The following ATP6V0D2 variants were observed in gnomAD, a reference collection of about 807,000 sequenced individuals.
ATP6V0D2 encodes V-type proton ATPase subunit d 2.
ATP6V0D2 carries 40 observed loss-of-function variants against 40.0 expected under a neutral mutation model. That is an observed-to-expected ratio of 1.00 (90% CI 0.78 to 1.30). The LOEUF is 1.30. ATP6V0D2 is among the 50% of genes most tolerant of loss of function. The pLI is 0.00. For synonymous variants in ATP6V0D2, 179 were observed against 156.3 expected, an observed-to-expected ratio of 1.15 and a Z score of -1.08; for missense variants, 470 against 423.1, an observed-to-expected ratio of 1.11 and a Z score of -0.97.
intron 2 of ATP6V0D2, among the ~76,000 whole-genome samples, chr8:86,138,652 G>A (rs569715431): frequency 5.3e-5 from 8 of 152,338 alleles, no homozygotes; most frequent in South Asian, 2.1e-4. Flanking sequence ...GATCTCATGC[G>A]AGGACAGAAT....
chr8:86,116,357 T>G (rs1818591496), intron 2 of ATP6V0D2, among the ~76,000 whole-genome samples: 1 of 152,212 alleles, frequency 6.6e-6, no homozygotes, highest in Non-Finnish European at 1.5e-5. Context: ...CTTAGAAATA[T>G]GCTTGTGACT....
chr8:86,118,427 C>T (rs1415969744), intron 2 of ATP6V0D2, among the ~76,000 whole-genome samples: 5 of 151,838 alleles, frequency 3.3e-5, no homozygotes, highest in Non-Finnish European at 7.4e-5. Context: ...TTGGTATCTG[C>T]AAGGCCCTTC....
chr8:86,102,981 G>A (rs1378660916), intron 1 of ATP6V0D2, among the ~76,000 whole-genome samples: 3 of 152,036 alleles, frequency 2.0e-5, no homozygotes, highest in Non-Finnish European at 2.9e-5. Flanking sequence ...TAAGACTTTT[G>A]GAAATATTCT....
intron 2 of ATP6V0D2, 41 bp downstream of exon 2, chr8:86,113,921 C>T (rs368083288): frequency 9.7e-6 from 15 of 1,553,170 alleles, no homozygotes; most frequent in East Asian, 2.3e-5. Flanking sequence ...CCAATGTACT[C>T]GTGCGGATGA....
chr8:86,108,725 C>A (rs959924439), intron 1 of ATP6V0D2, among the ~76,000 whole-genome samples: 1 of 152,110 alleles, frequency 6.6e-6, no homozygotes, highest in Non-Finnish European at 1.5e-5. Context: ...TCAGCCACCA[C>A]GCCCAGCCAA....
At chr8:86,108,828 C>T (rs2130232917) in intron 1 of ATP6V0D2, among the ~76,000 whole-genome samples, 1 of 152,262 alleles carries the variant, frequency 6.6e-6, no homozygotes, top group South Asian at 2.1e-4. Context: ...CAGATAATTC[C>T]CTTCATGCAG....
At chr8:86,133,316 CTTTTTTTTTTTT>C (rs1242479597) in intron 2 of ATP6V0D2, among the ~76,000 whole-genome samples, 4 of 77,298 alleles carry the variant, frequency 5.2e-5, no homozygotes, top group Non-Finnish European at 9.3e-5. Flanking sequence ...AACAGAAAGT[CTTTTTTTTTTTT>C]TTTTTTTTTT....
At chr8:86,147,535 A>T (rs1022547784) in intron 5 of ATP6V0D2, among the ~76,000 whole-genome samples, 4 of 152,168 alleles carry the variant, frequency 2.6e-5, no homozygotes, top group Non-Finnish European at 5.9e-5. Flanking sequence ...AATGCGTGTC[A>T]AACTCTGCTT....
chr8:86,122,804 G>A (rs912797172), intron 2 of ATP6V0D2, among the ~76,000 whole-genome samples: 3 of 152,184 alleles, frequency 2.0e-5, no homozygotes, highest in Admixed American at 1.3e-4. Context: ...AAGAATAAGT[G>A]AGGCATGAAA....
intron 2 of ATP6V0D2, among the ~76,000 whole-genome samples, chr8:86,133,316 C>CTTTTTT (rs1242479597): frequency 4.3e-4 from 33 of 77,292 alleles, no homozygotes; most frequent in East Asian, 9.0e-4. Context: ...AACAGAAAGT[C>CTTTTTT]TTTTTTTTTT....
chr8:86,117,315 G>A (rs1475831571), intron 2 of ATP6V0D2, among the ~76,000 whole-genome samples: 1 of 152,076 alleles, frequency 6.6e-6, no homozygotes, highest in Admixed American at 6.5e-5. Context: ...CTATTTATTT[G>A]TTGTTACACA....
chr8:86,106,599 A>G (rs907276215), intron 1 of ATP6V0D2, among the ~76,000 whole-genome samples: 2 of 152,188 alleles, frequency 1.3e-5, no homozygotes, highest in African/African-American at 4.8e-5. Context: ...AGACTTTGGA[A>G]TTCCTGAAAT....
At chr8:86,101,147 A>G (rs1351666551) in intron 1 of ATP6V0D2, among the ~76,000 whole-genome samples, 2 of 23,260 alleles carry the variant, frequency 8.6e-5, no homozygotes, top group African/African-American at 1.6e-4. Flanking sequence ...ATTCTGTCTC[A>G]AAAAAAAAAA....
At chr8:86,135,635 AT>A (rs1035858557) in intron 2 of ATP6V0D2, among the ~76,000 whole-genome samples, 1 of 152,190 alleles carries the variant, frequency 6.6e-6, no homozygotes, top group Non-Finnish European at 1.5e-5. Flanking sequence ...GCATTTAAAG[AT>A]TTTTTAATAT....
intron 5 of ATP6V0D2, 109 bp from the exon 6 acceptor site, chr8:86,150,003 A>T: frequency 9.6e-7 from 1 of 1,046,646 alleles, no homozygotes. Flanking sequence ...TTAGACATAG[A>T]TCCAGAAAGG....
chr8:86,139,169 A>T (rs1001538746), intron 2 of ATP6V0D2, among the ~76,000 whole-genome samples: 1 of 151,548 alleles, frequency 6.6e-6, no homozygotes, highest in African/African-American at 2.4e-5. Context: ...CGGAGGTTGC[A>T]GTAAGCCAAG....
chr8:86,139,034 C>G (rs1371095914), intron 2 of ATP6V0D2, among the ~76,000 whole-genome samples: 1 of 152,070 alleles, frequency 6.6e-6, no homozygotes, highest in East Asian at 1.9e-4. Flanking sequence ...TTGAGACCAG[C>G]CTGGCCAACA....
intron 2 of ATP6V0D2, among the ~76,000 whole-genome samples, chr8:86,124,570 C>T (rs534131122): frequency 1.3e-5 from 2 of 152,270 alleles, no homozygotes; most frequent in South Asian, 4.1e-4. Flanking sequence ...TAGGTAGACT[C>T]TAAACTGGGT....
chr8:86,125,811 C>T (rs2130253908), intron 2 of ATP6V0D2, among the ~76,000 whole-genome samples: 1 of 152,008 alleles, frequency 6.6e-6, no homozygotes, highest in East Asian at 1.9e-4. Context: ...ACAGTGAGAT[C>T]ATACATGTAT....
Sources: gnomAD v4.1 joint callset for allele counts (sites outside exome capture counted in the v4.1 genomes callset) on GRCh38, gnomAD v4.1.1 for gene constraint, MANE v1.5 for transcripts, NCBI Gene and HGNC (gene_info 2026-07-23, HGNC 2026-07-21) for gene names.